The following XXYLT1 variants were observed in gnomAD, a reference collection of about 807,000 sequenced individuals.
The protein encoded by XXYLT1 is xyloside xylosyltransferase 1.
XXYLT1 carries 20 observed loss-of-function variants against 28.9 expected under a neutral mutation model. That is an observed-to-expected ratio of 0.69 (90% CI 0.49 to 1.00). The LOEUF is 1.00. Ranked by LOEUF, XXYLT1 falls within the 50% of genes least tolerant of loss-of-function variation. The pLI is 0.00. For synonymous variants in XXYLT1, 257 were observed against 253.8 expected, an observed-to-expected ratio of 1.01 and a Z score of -0.12; for missense variants, 542 against 560.1, an observed-to-expected ratio of 0.97 and a Z score of 0.33.
chr3:195,076,372 C>T lies in XXYLT1; in HGVS notation c.786-6261G>A, dbSNP rs866054239. ...GCACAGACATTGGAACTCGACCGCG[C>T]GTGTTCCCGGAGTCTGAGTCGTTTT... On this transcript the variant is annotated intron_variant, in intron 3 of 3. Transcript: ENST00000310380. The surrounding 1 kb of genome is among the most constrained non-coding windows in gnomAD (Gnocchi z 5.3). 1.3e-5 allele frequency among the ~76,000 whole-genome samples: 2 copies of T among 152,024 alleles called. No homozygotes were observed. The highest frequency in any genetic ancestry group is 2.9e-5 in the Non-Finnish European group (2 of 68,030).
chr3:195,119,684 G>C (rs1304768527), intron 3 of XXYLT1, among the ~76,000 whole-genome samples: 1 of 152,134 alleles, frequency 6.6e-6, no homozygotes, highest in African/African-American at 2.4e-5. Context: ...TCCGAGGGCT[G>C]TTTCGTCCTC....
At chr3:195,151,318 C>T (rs1056237013) in intron 3 of XXYLT1, among the ~76,000 whole-genome samples, 160 of 152,012 alleles carry the variant, frequency 1.1e-3, no homozygotes, top group Middle Eastern at 6.8e-3. Context: ...CTGAGGCGGG[C>T]GGATCACTTG....
At chr3:195,207,292 A>G (rs1723114826) in intron 2 of XXYLT1, 1 of 354,406 alleles carries the variant, frequency 2.8e-6, no homozygotes, top group Non-Finnish European at 5.6e-6. Flanking sequence ...GGCCCGGGAG[A>G]CTCAGCTACA....
At chr3:195,228,108 C>T (rs1724134408) in intron 1 of XXYLT1, among the ~76,000 whole-genome samples, 1 of 152,222 alleles carries the variant, frequency 6.6e-6, no homozygotes, top group African/African-American at 2.4e-5. Flanking sequence ...GCAAGCGCCA[C>T]CTCCCGCCAC....
intron 2 of XXYLT1, among the ~76,000 whole-genome samples, chr3:195,211,565 C>A (rs1252109494): frequency 6.6e-6 from 1 of 152,202 alleles, no homozygotes; most frequent in Non-Finnish European, 1.5e-5. Flanking sequence ...GGGAACACAG[C>A]AGTGAATGAA....
chr3:195,247,860 GA>G, intron 1 of XXYLT1: 1 of 700,378 alleles, frequency 1.4e-6, no homozygotes. Flanking sequence ...CAGAGAGAGA[GA>G]AGGGGGAAGC....
At chr3:195,075,520 T>C (rs976806705) in intron 3 of XXYLT1, among the ~76,000 whole-genome samples, 1 of 152,224 alleles carries the variant, frequency 6.6e-6, no homozygotes, top group Non-Finnish European at 1.5e-5. Flanking sequence ...GCCTCCCACC[T>C]ACCCAAAACA....
rs924783971 is a variant in XXYLT1, at chr3:195,089,550, C to T, written c.786-19439G>A. ...AGCGCTAAACATGGAAGGGAACAAC[C>T]GGTACCAGCCGCTGCAAAATCATGC... On this transcript the variant is annotated intron_variant, in intron 3 of 3. Transcript: ENST00000310380. Among the ~76,000 whole-genome samples the T allele has an allele frequency of 4.3e-4, 65 of 152,078 alleles. 1 individual carries two copies. The highest frequency in any genetic ancestry group is 1.4e-3 in the African/African-American group (58 of 41,496).
At chr3:195,136,954 C>G (rs1345835125) in intron 3 of XXYLT1, among the ~76,000 whole-genome samples, 1 of 152,216 alleles carries the variant, frequency 6.6e-6, no homozygotes, top group Admixed American at 6.5e-5. Flanking sequence ...AACAGGTTCT[C>G]AAACTGAGAA....
chr3:195,071,582 T>G (rs1340167368), intron 3 of XXYLT1, among the ~76,000 whole-genome samples: 1 of 152,178 alleles, frequency 6.6e-6, no homozygotes, highest in African/African-American at 2.4e-5. Flanking sequence ...CGAGCTCTGG[T>G]GCCTGCCTGG....
intron 3 of XXYLT1, among the ~76,000 whole-genome samples, chr3:195,119,359 T>G (rs1295618934): frequency 6.7e-6 from 1 of 148,796 alleles, no homozygotes; most frequent in Non-Finnish European, 1.5e-5. Flanking sequence ...GGAAATCACA[T>G]AAAATGACTA....
intron 2 of XXYLT1, among the ~76,000 whole-genome samples, chr3:195,196,479 T>C (rs1722631113): frequency 6.6e-6 from 1 of 152,190 alleles, no homozygotes; most frequent in African/African-American, 2.4e-5. Flanking sequence ...GCAATAGGTA[T>C]GCCCCCTCAG....
At chr3:195,196,654 A>G (rs60263361) in intron 2 of XXYLT1, among the ~76,000 whole-genome samples, 7,821 of 152,294 alleles carry the variant, frequency 0.051, 620 homozygotes, top group African/African-American at 0.18. Context: ...TAAATCTGAA[A>G]AAATAACCTG....
chr3:195,073,592 C>A (rs543608308), intron 3 of XXYLT1, among the ~76,000 whole-genome samples: 1 of 152,144 alleles, frequency 6.6e-6, no homozygotes, highest in East Asian at 1.9e-4. Flanking sequence ...TGGAGACCCA[C>A]GGTAGAGGGG....
rs890886865 is a variant in XXYLT1, at chr3:195,143,876, A to C, written c.785+12573T>G. 7.6e-3 allele frequency among the ~76,000 whole-genome samples: 847 copies of C among 111,438 alleles called. 69 individuals carry two copies. Among genetic ancestry groups the C allele is most frequent in the African/African-American group, 0.034 (820 of 24,030 alleles). The allele number at this position is 111,438 out of a possible 152,430, so 73.1% of individuals were successfully genotyped here. On this transcript the variant is annotated intron_variant, in intron 3 of 3. Transcript: ENST00000310380. ...TATAGATATATATAGATATAGATAT[A>C]TATATATATATATTTATTTTTTATT...
At chr3:195,101,747 G>T (rs1171355498) in intron 3 of XXYLT1, among the ~76,000 whole-genome samples, 1 of 149,126 alleles carries the variant, frequency 6.7e-6, no homozygotes, top group African/African-American at 2.5e-5. Context: ...GACTGCTGGA[G>T]CCCAGGGCTT....
chr3:195,107,330 C>T (rs1159863207), intron 3 of XXYLT1, among the ~76,000 whole-genome samples: 2 of 150,874 alleles, frequency 1.3e-5, no homozygotes, highest in East Asian at 2.0e-4. Flanking sequence ...AAAAATTAGC[C>T]GGGCATGGTG....
chr3:195,254,920 A>G (rs1242950567), intron 1 of XXYLT1, among the ~76,000 whole-genome samples: 1 of 152,214 alleles, frequency 6.6e-6, no homozygotes, highest in Non-Finnish European at 1.5e-5. Context: ...CACCTCCCAG[A>G]AAGATGAGGT....
intron 3 of XXYLT1, among the ~76,000 whole-genome samples, chr3:195,126,819 T>A (rs1406680780): frequency 6.6e-6 from 1 of 152,206 alleles, no homozygotes; most frequent in Non-Finnish European, 1.5e-5. Flanking sequence ...GGCCCTCTGC[T>A]CTGACCTGGC....
Sources: gnomAD v4.1 joint callset for allele counts (sites outside exome capture counted in the v4.1 genomes callset) on GRCh38, gnomAD v4.1.1 for gene constraint, Gnocchi (gnomAD v3.1) non-coding constraint, MANE v1.5 for transcripts, NCBI Gene and HGNC (gene_info 2026-07-23, HGNC 2026-07-21) for gene names.